LPP: variants seen among roughly 807,000 people sequenced by gnomAD.
The protein encoded by LPP is lipoma-preferred partner.
A neutral mutation model predicts 60.4 loss-of-function variants in LPP; 38 were observed. The observed-to-expected ratio is 0.63, with a 90% CI of 0.49 to 0.83. The LOEUF is 0.83. Among genes scored for constraint, LPP ranks in the 40% least tolerant of loss-of-function variants. LPP has a pLI of 0.00. For synonymous variants in LPP, 328 were observed against 290.8 expected, an observed-to-expected ratio of 1.13 and a Z score of -1.30; for missense variants, 902 against 783.6, an observed-to-expected ratio of 1.15 and a Z score of -1.80.
chr3:188,511,043 T>C (rs1216348681), intron 5 of LPP, among the ~76,000 whole-genome samples: 15 of 133,772 alleles, frequency 1.1e-4, no homozygotes, highest in African/African-American at 5.5e-5. Flanking sequence ...CTCCCTCCCC[T>C]TCCTTCTCCC....
rs112298790 is a variant in LPP, at chr3:188,243,915, G to A, written c.-67+18388G>A. Among the ~76,000 whole-genome samples, 785 of 151,724 alleles carry A rather than the reference G, an allele frequency of 5.2e-3. 9 individuals are homozygous for A. The highest frequency in any genetic ancestry group is 0.012 in the Admixed American group (181 of 15,240). The stretch of plus-strand genomic sequence containing the variant: ...TTTTGAGACAGAGTCTCGCTCTGTC[G>A]CGCAGGCTGGAGAGTAGAGGCACAA... On this transcript the variant is annotated intron_variant, in intron 2 of 11. Transcript: ENST00000617246.
chr3:188,800,355 C>G (rs1223773251), intron 9 of LPP, among the ~76,000 whole-genome samples: 2 of 150,254 alleles, frequency 1.3e-5, no homozygotes, highest in Non-Finnish European at 1.5e-5. Flanking sequence ...ACGCCATTCT[C>G]CTGCCTCAGC....
intron 7 of LPP, among the ~76,000 whole-genome samples, chr3:188,657,076 C>T (rs1471881484): frequency 6.6e-6 from 1 of 151,766 alleles, no homozygotes; most frequent in African/African-American, 2.4e-5. Context: ...CCACATTGGC[C>T]CATTTCCATG....
chr3:188,706,103 G>A (rs2149666100), intron 7 of LPP, among the ~76,000 whole-genome samples: 1 of 152,330 alleles, frequency 6.6e-6, no homozygotes, highest in Non-Finnish European at 1.5e-5. Flanking sequence ...GAATAATTCA[G>A]TAGCTTCTCT....
At chr3:188,777,571 G>A (rs776423496) in intron 9 of LPP, among the ~76,000 whole-genome samples, 1 of 152,170 alleles carries the variant, frequency 6.6e-6, no homozygotes, top group Non-Finnish European at 1.5e-5. Flanking sequence ...GCAAAAGATT[G>A]AGGAGCTAAT....
At chr3:188,617,433 G>A (rs186222665) in intron 7 of LPP, among the ~76,000 whole-genome samples, 1 of 152,264 alleles carries the variant, frequency 6.6e-6, no homozygotes, top group African/African-American at 2.4e-5. Context: ...AATAACTATT[G>A]TCAGGATGAT....
chr3:188,367,057 C>T (rs1312821777), intron 3 of LPP, among the ~76,000 whole-genome samples: 5 of 152,000 alleles, frequency 3.3e-5, no homozygotes, highest in East Asian at 1.9e-4. Flanking sequence ...CCACCATGCC[C>T]GGCTAATTTT....
At chr3:188,772,930 G>A (rs941689285) in intron 9 of LPP, among the ~76,000 whole-genome samples, 1 of 152,140 alleles carries the variant, frequency 6.6e-6, no homozygotes, top group African/African-American at 2.4e-5. Context: ...GTATAAGAAG[G>A]AAGGAGGAGA....
chr3:188,534,635 T>C (rs745929005), intron 6 of LPP, among the ~76,000 whole-genome samples: 2 of 152,212 alleles, frequency 1.3e-5, no homozygotes, highest in Admixed American at 1.3e-4. Flanking sequence ...GATGACTAGA[T>C]ATAACCACAG....
At chr3:188,716,099 A>G (rs953377361) in intron 8 of LPP, among the ~76,000 whole-genome samples, 1 of 152,234 alleles carries the variant, frequency 6.6e-6, no homozygotes, top group South Asian at 2.1e-4. Flanking sequence ...CTCAGAACTT[A>G]GCATTTATCT....
chr3:188,271,958 A>G (rs1425601201), intron 2 of LPP, among the ~76,000 whole-genome samples: 6 of 152,128 alleles, frequency 3.9e-5, no homozygotes, highest in Admixed American at 3.9e-4. Flanking sequence ...GGGCAACACT[A>G]AAGAAACCTG....
chr3:188,514,714 T>A (rs1256637705), intron 5 of LPP, among the ~76,000 whole-genome samples: 1 of 152,226 alleles, frequency 6.6e-6, no homozygotes, highest in East Asian at 1.9e-4. Flanking sequence ...GGTGTTGGGA[T>A]TACATGCATG....
chr3:188,325,044 G>A (rs1282078429), intron 2 of LPP, among the ~76,000 whole-genome samples: 1 of 151,730 alleles, frequency 6.6e-6, no homozygotes, highest in African/African-American at 2.4e-5. Flanking sequence ...GCGATGGTGC[G>A]ATCTCGGCTC....
chr3:188,230,438 G>A (rs1366439612), intron 2 of LPP, among the ~76,000 whole-genome samples: 1 of 152,154 alleles, frequency 6.6e-6, no homozygotes, highest in Non-Finnish European at 1.5e-5. Context: ...TTGGGAAATT[G>A]AGATAAATTA....
chr3:188,635,998 G>T (rs1848660244), intron 7 of LPP, among the ~76,000 whole-genome samples: 2 of 152,208 alleles, frequency 1.3e-5, no homozygotes, highest in Admixed American at 1.3e-4. Flanking sequence ...TTGAAGGATG[G>T]TATTCAGATT....
At chr3:188,641,196 G>T (rs955496971) in intron 7 of LPP, among the ~76,000 whole-genome samples, 1 of 152,230 alleles carries the variant, frequency 6.6e-6, no homozygotes, top group Admixed American at 6.5e-5. Context: ...CTCTCAAATT[G>T]CAGTCTGTGT....
At chr3:188,596,579 G>A (rs1363331079) in intron 6 of LPP, among the ~76,000 whole-genome samples, 1 of 151,866 alleles carries the variant, frequency 6.6e-6, no homozygotes, top group African/African-American at 2.4e-5. Context: ...TCGTAATACA[G>A]TGATCATTAT....
At chr3:188,714,705 T>C (rs1713077099) in intron 8 of LPP, among the ~76,000 whole-genome samples, 1 of 152,170 alleles carries the variant, frequency 6.6e-6, no homozygotes, top group African/African-American at 2.4e-5. Flanking sequence ...ATGCCACAGA[T>C]GTTGAACCAT....
chr3:188,517,975 C>G (rs939623908), intron 5 of LPP, among the ~76,000 whole-genome samples: 3 of 152,142 alleles, frequency 2.0e-5, no homozygotes, highest in African/African-American at 7.2e-5. Context: ...TCTCCTCGCT[C>G]TCTCTTCCGC....
Sources: allele counts gnomAD v4.1 joint callset (sites outside exome capture counted in the v4.1 genomes callset), GRCh38; gene constraint gnomAD v4.1.1; transcripts MANE v1.5; gene names NCBI Gene and HGNC (gene_info 2026-07-23, HGNC 2026-07-21).